Variants in PRDM2 observed in about 807,000 individuals in gnomAD.
PRDM2 encodes the protein PR domain zinc finger protein 2.
PRDM2 carries 30 observed loss-of-function variants against 130.0 expected under a neutral mutation model. The observed-to-expected ratio is 0.23, with a 90% CI of 0.17 to 0.31. The LOEUF (loss-of-function observed/expected upper bound fraction) is 0.31, where lower values mean the gene tolerates loss of function less well. PRDM2 is among the 10% of genes least tolerant of loss of function. PRDM2 has a pLI of 1.00. For missense variants in PRDM2, 2,011 were observed against 2,108.4 expected (o/e 0.95, Z 0.90); for synonymous variants, 871 against 782.4 (o/e 1.11, Z -1.89).
chr1:13,716,468 A>G (rs1642544658), intron 2 of PRDM2, among the ~76,000 whole-genome samples: 2 of 152,234 alleles, frequency 1.3e-5, no homozygotes, highest in African/African-American at 4.8e-5. Flanking sequence ...AAATAAAAAA[A>G]AGAGAGGATT....
chr1:13,717,414 G>T (rs1160573778), intron 2 of PRDM2: 1 of 985,342 alleles, frequency 1.0e-6, no homozygotes, highest in Non-Finnish European at 1.2e-6. Context: ...TTGATCCTGC[G>T]TTAGAATGGT....
At chr1:13,704,788 T>C (rs1642158942) in intron 1 of PRDM2, 1 of 152,236 alleles carries the variant, frequency 6.6e-6, no homozygotes, top group Non-Finnish European at 1.5e-5. Context: ...TACTTCAGTA[T>C]GAATCCTGTA....
In PRDM2 at chr1:13,703,652, A is replaced by T. The variant is rs529644153; in HGVS notation, c.-66+3352A>T. On this transcript the variant is annotated intron_variant, in intron 1 of 9. Transcript: ENST00000311066. ...CATAAAGGAGTTTTCATGACGTGGA[A>T]TCAGCATTCTTAGTATGCAGATTAA... Among the ~76,000 whole-genome samples the T allele has an allele frequency of 2.6e-5, 4 of 152,376 alleles. No homozygotes were observed. In the East Asian group the frequency reaches 7.7e-4, roughly 29 times the overall value.
intron 7 of PRDM2, among the ~76,000 whole-genome samples, chr1:13,774,890 C>G (rs1014478980): frequency 1.7e-4 from 26 of 152,000 alleles, no homozygotes; most frequent in Admixed American, 5.2e-4. Context: ...ATGGTGTGAA[C>G]CCAGGAGGCG....
intron 6 of PRDM2, among the ~76,000 whole-genome samples, chr1:13,763,554 T>C (rs964655007): frequency 4.6e-5 from 7 of 152,214 alleles, no homozygotes; most frequent in Admixed American, 2.0e-4. Context: ...GAGAAACACT[T>C]GAGCAGTACT....
In PRDM2 at chr1:13,749,379, G is replaced by T. The variant is rs750242269; in HGVS notation, c.403G>T (p.Glu135Ter). Residue 135 changes from glutamate to a stop codon, truncating the protein, a stop_gained, in exon 6 of 10, where the codon GAG (glutamate) becomes TAG (stop). Transcript: ENST00000311066. LOFTEE classifies it high-confidence loss of function. ...KTLKPIAPGE[E>*]LLVWYNGEDN... ...CCCGCAGCCAATCGCGCCGGGCGAG[G>T]AGCTCCTGGTCTGGTACAATGGGGA... 2.2e-5 allele frequency: 33 copies of T among 1,494,452 alleles called. No individual in the cohort carries two copies. Among genetic ancestry groups the T allele is most frequent in the Non-Finnish European group, 3.0e-5 (33 of 1,108,018 alleles). The allele number at this position is 1,494,452 out of a possible 1,614,324, so 92.6% of individuals were successfully genotyped here.
rs560170507 is a variant in PRDM2, at chr1:13,754,372, C to T, written c.511+4885C>T. On this transcript the variant is annotated intron_variant, in intron 6 of 9. Transcript: ENST00000311066. ...TCATGACAGCCACGCACAGGTCAGA[C>T]TTAGTGGGTGTTCTGGTTGATGTGG... Among the ~76,000 whole-genome samples, 11 of 152,258 alleles carry T rather than the reference C, an allele frequency of 7.2e-5. No individual in the cohort carries two copies. In the East Asian group the frequency reaches 2.1e-3, roughly 29 times the overall value.
intron 8 of PRDM2, 98 bp downstream of exon 8, chr1:13,782,929 T>TTC (rs1557656124): frequency 3.4e-6 from 5 of 1,455,192 alleles, no homozygotes; most frequent in East Asian, 2.4e-5. Context: ...TTTTTTTTTT[T>TTC]CCCCACTTAA....
At chr1:13,737,776 A>G (rs370259071) in intron 4 of PRDM2, among the ~76,000 whole-genome samples, 1 of 146,228 alleles carries the variant, frequency 6.8e-6, no homozygotes, top group Non-Finnish European at 1.5e-5. Context: ...GGTCTGGTGT[A>G]AAAAAAAAAA....
intron 4 of PRDM2, among the ~76,000 whole-genome samples, chr1:13,735,354 C>T (rs766978469): frequency 1.3e-5 from 2 of 152,158 alleles, no homozygotes; most frequent in African/African-American, 2.4e-5. Flanking sequence ...AGCTGGCGCT[C>T]GGGACTTGGT....
At chr1:13,741,967 A>C (rs1469505033) in intron 4 of PRDM2, 38 bp from the exon 5 acceptor site, 2 of 1,496,162 alleles carry the variant, frequency 1.3e-6, no homozygotes, top group Non-Finnish European at 1.8e-6. Flanking sequence ...AGATACTCCT[A>C]TTTTAACAAA....
chr1:13,742,312 G>A (rs2473228), intron 5 of PRDM2, among the ~76,000 whole-genome samples, 155 bp downstream of exon 5: 332 of 152,192 alleles, frequency 2.2e-3, no homozygotes, highest in African/African-American at 7.4e-3. Context: ...GGCGATCCTC[G>A]GACCTCAACC....
At chr1:13,775,355 A>G (rs752413281) in intron 7 of PRDM2, among the ~76,000 whole-genome samples, 1 of 152,254 alleles carries the variant, frequency 6.6e-6, no homozygotes, top group Non-Finnish European at 1.5e-5. Context: ...TCTGAGCCTT[A>G]GAGTTGGCGT....
intron 8 of PRDM2, among the ~76,000 whole-genome samples, chr1:13,790,061 A>G (rs1370703712): frequency 6.8e-6 from 1 of 147,120 alleles, no homozygotes; most frequent in Non-Finnish European, 1.5e-5. Flanking sequence ...GCCCTTCAAC[A>G]CCGTGGGTTC....
chr1:13,773,052 A>C, intron 6 of PRDM2, 26 bp from the exon 7 acceptor site: 1 of 1,314,306 alleles, frequency 7.6e-7, no homozygotes, highest in Non-Finnish European at 1.0e-6. Flanking sequence ...AAATGAATGA[A>C]TAAATTAAAA....
intron 8 of PRDM2, chr1:13,783,215 G>A (rs758566019): frequency 5.9e-6 from 3 of 511,116 alleles, no homozygotes; most frequent in South Asian, 1.4e-5. Flanking sequence ...AGGTTAAGAC[G>A]GGTCACTAAG....
At chr1:13,717,775 A>G (rs1460046075) in intron 2 of PRDM2, among the ~76,000 whole-genome samples, 1 of 152,146 alleles carries the variant, frequency 6.6e-6, no homozygotes, top group African/African-American at 2.4e-5. Flanking sequence ...CCAAATGCCA[A>G]GTATCAGTGG....
chr1:13,820,127 C>T (rs573422906), intron 9 of PRDM2, among the ~76,000 whole-genome samples: 5 of 152,142 alleles, frequency 3.3e-5, no homozygotes, highest in African/African-American at 9.7e-5. Flanking sequence ...TTCTGATTCC[C>T]GGGACGGATC....
chr1:13,764,621 T>G (rs543608142), intron 6 of PRDM2, among the ~76,000 whole-genome samples: 105 of 152,380 alleles, frequency 6.9e-4, no homozygotes, highest in African/African-American at 2.2e-3. Context: ...ATCTTTGCTA[T>G]TCTCCTATCA....
Sources: allele counts gnomAD v4.1 joint callset (sites outside exome capture counted in the v4.1 genomes callset), GRCh38; gene constraint gnomAD v4.1.1; transcripts MANE v1.5; gene names NCBI Gene and HGNC (gene_info 2026-07-23, HGNC 2026-07-21).